The following GALNT17 variants were observed in gnomAD, a reference collection of about 807,000 sequenced individuals.
The protein encoded by GALNT17 is polypeptide N-acetylgalactosaminyltransferase 17.
GALNT17 carries 29 observed loss-of-function variants against 63.7 expected under a neutral mutation model. The observed-to-expected ratio is 0.46, with a 90% CI of 0.34 to 0.62. The LOEUF (loss-of-function observed/expected upper bound fraction) is 0.62. Among genes scored for constraint, GALNT17 ranks in the 20% least tolerant of loss-of-function variants. The probability of loss-of-function intolerance (pLI) is 0.01; values close to 1 mark genes in which losing one functional copy is unlikely to be tolerated. For missense variants in GALNT17, 603 were observed against 799.6 expected, an observed-to-expected ratio of 0.75 and a Z score of 2.97; for synonymous variants, 305 against 318.3, an observed-to-expected ratio of 0.96 and a Z score of 0.45.
intron 2 of GALNT17, among the ~76,000 whole-genome samples, chr7:71,344,275 A>G (rs1207147328): frequency 1.3e-5 from 2 of 152,198 alleles, no homozygotes; most frequent in African/African-American, 4.8e-5. Flanking sequence ...AAGCAAAGCA[A>G]CTATTAACTA....
chr7:71,175,369 CTATT>C (rs1357825766), intron 1 of GALNT17, among the ~76,000 whole-genome samples: 13 of 152,326 alleles, frequency 8.5e-5, no homozygotes, highest in African/African-American at 2.2e-4. Context: ...CTACCTATAT[CTATT>C]TATTTCTATC....
intron 3 of GALNT17, among the ~76,000 whole-genome samples, chr7:71,390,336 C>T (rs1793027823): frequency 6.6e-6 from 1 of 152,172 alleles, no homozygotes; most frequent in Non-Finnish European, 1.5e-5. Context: ...TCCCTGGCCC[C>T]TTCTGAACCG....
chr7:71,559,587 C>T (rs907667448), intron 5 of GALNT17, among the ~76,000 whole-genome samples: 2 of 152,156 alleles, frequency 1.3e-5, no homozygotes, highest in African/African-American at 4.8e-5. Flanking sequence ...ATCAACCAGG[C>T]GCAGTGGCTC....
intron 5 of GALNT17, among the ~76,000 whole-genome samples, chr7:71,471,388 T>C (rs1184300493): frequency 7.7e-6 from 1 of 129,762 alleles, no homozygotes; most frequent in Non-Finnish European, 1.6e-5. Flanking sequence ...GAGCTCAGCA[T>C]TTTTTTTTTC....
At chr7:71,366,684 G>T (rs572485457) in intron 2 of GALNT17, among the ~76,000 whole-genome samples, 1 of 152,256 alleles carries the variant, frequency 6.6e-6, no homozygotes, top group East Asian at 1.9e-4. Flanking sequence ...TCCTTCTGCT[G>T]TTTTCTTATG....
chr7:71,219,997 C>T (rs1316425255), intron 1 of GALNT17, among the ~76,000 whole-genome samples: 1 of 152,086 alleles, frequency 6.6e-6, no homozygotes, highest in Non-Finnish European at 1.5e-5. Flanking sequence ...CCTAAGTTCT[C>T]TGAAAAGTAA....
At chr7:71,400,474 A>T (rs1254818124) in intron 3 of GALNT17, among the ~76,000 whole-genome samples, 1 of 152,200 alleles carries the variant, frequency 6.6e-6, no homozygotes. Flanking sequence ...TTTGGCAAGT[A>T]TAAATTTTAC....
chr7:71,390,864 T>G (rs867958277), intron 3 of GALNT17, among the ~76,000 whole-genome samples: 6 of 152,316 alleles, frequency 3.9e-5, no homozygotes, highest in South Asian at 2.1e-4. Flanking sequence ...GTACTGTCAG[T>G]GTCAGAGCTT....
chr7:71,679,833 C>T (rs776281147), intron 9 of GALNT17, among the ~76,000 whole-genome samples: 11 of 151,914 alleles, frequency 7.2e-5, no homozygotes, highest in Non-Finnish European at 1.2e-4. Context: ...GTCAGATCTC[C>T]GGTGGGGTCT....
intron 6 of GALNT17, among the ~76,000 whole-genome samples, chr7:71,637,128 G>A (rs564534473): frequency 1.6e-4 from 24 of 152,266 alleles, no homozygotes; most frequent in Admixed American, 1.2e-3. Context: ...AATGTAAAGT[G>A]CTGAAAACAC....
intron 2 of GALNT17, among the ~76,000 whole-genome samples, chr7:71,368,385 T>G (rs57924947): frequency 1.4e-4 from 21 of 152,270 alleles, no homozygotes; most frequent in African/African-American, 4.8e-4. Flanking sequence ...CTCTCCTCTG[T>G]TTTTACACAT....
chr7:71,675,002 G>A (rs1221708530), intron 8 of GALNT17, among the ~76,000 whole-genome samples: 1 of 152,198 alleles, frequency 6.6e-6, no homozygotes, highest in South Asian at 2.1e-4. Flanking sequence ...TGGCCAATAT[G>A]GTGAAACCCT....
intron 5 of GALNT17, among the ~76,000 whole-genome samples, chr7:71,447,478 G>A (rs1356878768): frequency 6.6e-6 from 1 of 152,156 alleles, no homozygotes; most frequent in East Asian, 1.9e-4. Flanking sequence ...CAGTTGGTAA[G>A]TATAATGCAA....
At chr7:71,701,919 ATATG>A (rs1791656418) in intron 9 of GALNT17, among the ~76,000 whole-genome samples, 2 of 138,250 alleles carry the variant, frequency 1.4e-5, no homozygotes, top group African/African-American at 2.8e-5. Context: ...ATACATATAT[ATATG>A]TATATATATA....
At chr7:71,578,150 C>T (rs1789569423) in intron 6 of GALNT17, among the ~76,000 whole-genome samples, 1 of 151,960 alleles carries the variant, frequency 6.6e-6, no homozygotes, top group African/African-American at 2.4e-5. Context: ...GATTCTCCTG[C>T]CTCAGCCTCC....
Position 71,184,985 on chromosome 7 carries a change from TTC to T in GALNT17, c.238+51946_238+51947del, listed in dbSNP as rs1364939347. Among the ~76,000 whole-genome samples the T allele has an allele frequency of 8.6e-4, 106 of 123,502 alleles. 1 individual carries two copies. The highest frequency in any genetic ancestry group is 3.2e-3 in the African/African-American group (93 of 29,188). The allele number at this position is 123,502 out of a possible 152,430, so 81.0% of individuals were successfully genotyped here. A position where few individuals can be genotyped will look rare whatever the true frequency, so the allele number is the denominator to read the frequency against. On this transcript the variant is annotated intron_variant, in intron 1 of 10. Coordinates refer to ENST00000333538, the MANE Select transcript of GALNT17 (RefSeq NM_022479.3). ...CTTCCTTCCTTCCTTCCTTCCTTCCTTCCTTCCTTCCTTCTTCCTTCCCTCCC... is the reference window on the plus strand; with the variant it reads ...CTTCCTTCCTTCCTTCCTTCCTTCCTCTTCCTTCCTTCTTCCTTCCCTCCC...
At chr7:71,558,239 C>T (rs1290218765) in intron 5 of GALNT17, among the ~76,000 whole-genome samples, 1 of 151,958 alleles carries the variant, frequency 6.6e-6, no homozygotes, top group Non-Finnish European at 1.5e-5. Flanking sequence ...TATGTGGGTA[C>T]TTATAAACAA....
chr7:71,182,091 C>T (rs772429608), intron 1 of GALNT17, among the ~76,000 whole-genome samples: 9 of 152,194 alleles, frequency 5.9e-5, no homozygotes, highest in Non-Finnish European at 8.8e-5. Context: ...AGAAGAATCA[C>T]TTGAACCCCA....
At chr7:71,629,477 G>A (rs1188538940) in intron 6 of GALNT17, among the ~76,000 whole-genome samples, 3 of 152,010 alleles carry the variant, frequency 2.0e-5, no homozygotes, top group Non-Finnish European at 2.9e-5. Flanking sequence ...CTCTAGGTTC[G>A]TTTTTATTTT....
Sources: allele counts gnomAD v4.1 joint callset (sites outside exome capture counted in the v4.1 genomes callset), GRCh38; gene constraint gnomAD v4.1.1; transcripts MANE v1.5; gene names NCBI Gene and HGNC (gene_info 2026-07-23, HGNC 2026-07-21).